The following THSD7A variants were observed in gnomAD, a reference collection of about 807,000 sequenced individuals.
THSD7A encodes thrombospondin type-1 domain-containing protein 7A.
THSD7A carries 96 observed loss-of-function variants against 231.3 expected under a neutral mutation model. The observed-to-expected ratio is 0.41, with a 90% CI of 0.35 to 0.49. The LOEUF (loss-of-function observed/expected upper bound fraction) is 0.49, where lower values mean the gene tolerates loss of function less well. Among genes scored for constraint, THSD7A ranks in the 20% least tolerant of loss-of-function variants. The pLI, the probability that THSD7A is intolerant of heterozygous loss-of-function variation, is 0.05. For missense variants in THSD7A, 2,290 were observed against 2,070.2 expected (o/e 1.11, Z -2.06); for synonymous variants, 940 against 743.3 (o/e 1.26, Z -4.30).
intron 4 of THSD7A, among the ~76,000 whole-genome samples, chr7:11,580,678 A>G (rs1791118265): frequency 6.6e-6 from 1 of 152,154 alleles, no homozygotes; most frequent in African/African-American, 2.4e-5. Context: ...TGGAAGCTAA[A>G]TGATGAGAAC....
intron 6 of THSD7A, among the ~76,000 whole-genome samples, chr7:11,530,418 A>AAAGGAATT (rs1439379839): frequency 6.6e-6 from 1 of 152,148 alleles, no homozygotes; most frequent in African/African-American, 2.4e-5. Context: ...GGGATAAAAG[A>AAAGGAATT]AAGGAATTAG....
In THSD7A at chr7:11,769,146, TA is replaced by T. The variant is rs1425843144; in HGVS notation, c.190+62610del. On this transcript the variant is annotated intron_variant, in intron 1 of 27. Transcript: ENST00000423059. ...CAATATATATATATATATATATATA[TA>T]TATATATTTTTTTTTTTTTTTGGTA... Among the ~76,000 whole-genome samples, 77 of 67,606 alleles carry T rather than the reference TA, an allele frequency of 1.1e-3. 1 individual carries two copies. The highest frequency in any genetic ancestry group is 3.5e-3 in the African/African-American group (70 of 19,748). The allele number at this position is 67,606 out of a possible 152,430, so 44.4% of individuals were successfully genotyped here. A position where few individuals can be genotyped will look rare whatever the true frequency, so the allele number is the denominator to read the frequency against.
intron 6 of THSD7A, among the ~76,000 whole-genome samples, chr7:11,498,559 C>T (rs1046844819): frequency 5.9e-5 from 9 of 152,154 alleles, no homozygotes; most frequent in Admixed American, 5.9e-4. Context: ...CAGCCTTTGG[C>T]TATCTGAAGT....
chr7:11,447,130 T>C (rs1784995299), intron 12 of THSD7A, 100 bp downstream of exon 12: 6 of 1,092,706 alleles, frequency 5.5e-6, no homozygotes, highest in Non-Finnish European at 8.0e-6. Context: ...TCCATTGGCA[T>C]ATTATTTTTC....
chr7:11,668,313 G>A (rs1302679801), intron 1 of THSD7A, among the ~76,000 whole-genome samples: 1 of 152,152 alleles, frequency 6.6e-6, no homozygotes, highest in South Asian at 2.1e-4. Flanking sequence ...AGCTTCTCGG[G>A]AGACTGAGGC....
rs536256485 is a variant in THSD7A, at chr7:11,504,550, C to A, written c.1823-22568G>T. 2.1e-3 allele frequency among the ~76,000 whole-genome samples: 317 copies of A among 152,054 alleles called. 2 individuals are homozygous for A. Among genetic ancestry groups the A allele is most frequent in the Non-Finnish European group, 4.0e-3 (272 of 67,968 alleles). On this transcript the variant is annotated intron_variant, in intron 6 of 27. Transcript: ENST00000423059. ...TTTTTAAAAAATGACACAAACACAC[C>A]CTAGATATAATCTGGCCTACAAAGT...
intron 23 of THSD7A, among the ~76,000 whole-genome samples, chr7:11,396,628 G>T (rs1174296378): frequency 1.3e-5 from 2 of 152,130 alleles, no homozygotes; most frequent in Non-Finnish European, 2.9e-5. Flanking sequence ...TAAAATTGAG[G>T]CAGTAATTAG....
intron 19 of THSD7A, among the ~76,000 whole-genome samples, chr7:11,409,020 C>T (rs1762249448): frequency 6.6e-6 from 1 of 152,208 alleles, no homozygotes; most frequent in Non-Finnish European, 1.5e-5. Flanking sequence ...ACCACTTACA[C>T]ATTTTAGTCC....
chr7:11,657,201 G>A (rs1782743591), intron 1 of THSD7A, among the ~76,000 whole-genome samples: 5 of 151,814 alleles, frequency 3.3e-5, no homozygotes, highest in Admixed American at 3.3e-4. Context: ...GGGAAAATAA[G>A]TACACTGAGA....
rs572021189 is a variant in THSD7A at position 11,825,541 on chromosome 7, TA to T, written c.190+6215del. Among the ~76,000 whole-genome samples the T allele has an allele frequency of 1.7e-3, 259 of 152,258 alleles. 1 individual carries two copies. The highest frequency in any genetic ancestry group is 6.0e-3 in the African/African-American group (249 of 41,564). ...ACATTATTGGGCTTGCTCCAGGTCA[TA>T]AACTTAAATAGTTTTTGTACCATCT... On this transcript the variant is annotated intron_variant, in intron 1 of 27. Coordinates refer to ENST00000423059, the MANE Select transcript of THSD7A (RefSeq NM_015204.3).
intron 9 of THSD7A, 34 bp from the exon 10 acceptor site, chr7:11,462,177 T>C (rs778562414): frequency 1.2e-6 from 2 of 1,608,038 alleles, no homozygotes; most frequent in East Asian, 2.2e-5. Context: ...CTCTGTACTT[T>C]ACACTGATGA....
intron 1 of THSD7A, among the ~76,000 whole-genome samples, chr7:11,797,151 C>A (rs943554698): frequency 6.6e-6 from 1 of 152,000 alleles, no homozygotes; most frequent in Non-Finnish European, 1.5e-5. Flanking sequence ...ATGTGTATAT[C>A]CCCCAAATAT....
At chr7:11,649,028 C>T (rs979435886) in intron 1 of THSD7A, among the ~76,000 whole-genome samples, 2 of 151,992 alleles carry the variant, frequency 1.3e-5, no homozygotes, top group Non-Finnish European at 2.9e-5. Flanking sequence ...TCTGATATTG[C>T]ATGGAGATGA....
chr7:11,750,091 C>T (rs2128164425), intron 1 of THSD7A, among the ~76,000 whole-genome samples: 1 of 150,936 alleles, frequency 6.6e-6, no homozygotes, highest in South Asian at 2.1e-4. Context: ...TTCCCAGTTC[C>T]TGGTAAAATT....
intron 1 of THSD7A, among the ~76,000 whole-genome samples, chr7:11,732,247 A>G (rs1781760705): frequency 2.0e-5 from 3 of 151,752 alleles, no homozygotes; most frequent in African/African-American, 4.8e-5. Context: ...ATCCTACTGG[A>G]GTGAGATTTT....
In THSD7A at chr7:11,370,738, CAT is replaced by C. The variant is rs1293220936; in HGVS notation, c.*5054_*5055del. 2 of 151,992 alleles carry C rather than the reference CAT, an allele frequency of 1.3e-5. No individual in the cohort carries two copies. Among genetic ancestry groups the C allele is most frequent in the African/African-American group, 4.8e-5 (2 of 41,390 alleles). The allele number at this position is 151,992 out of a possible 1,614,324, so 9.4% of individuals were successfully genotyped here. A position where few individuals can be genotyped will look rare whatever the true frequency, so the allele number is the denominator to read the frequency against. On this transcript the variant is annotated 3_prime_UTR_variant, in exon 28 of 28. Transcript: ENST00000423059. Reference sequence around the variant, plus strand: ...ATAAATATTCAGGTAGTTAAATTAACATAAAATACACATTTAGGGAATAATAA... The same window carrying C: ...ATAAATATTCAGGTAGTTAAATTAACAAAATACACATTTAGGGAATAATAA...
At chr7:11,445,443 T>C (rs1425264756) in intron 13 of THSD7A, among the ~76,000 whole-genome samples, 1 of 152,048 alleles carries the variant, frequency 6.6e-6, no homozygotes, top group African/African-American at 2.4e-5. Context: ...TCCTTTCTTT[T>C]TTGGTTTAGA....
At chr7:11,552,493 A>G (rs1789673150) in intron 4 of THSD7A, among the ~76,000 whole-genome samples, 1 of 152,124 alleles carries the variant, frequency 6.6e-6, no homozygotes, top group African/African-American at 2.4e-5. Context: ...TTTGAGCTAC[A>G]AAAAGGGAAA....
chr7:11,483,109 A>C (rs1786498121), intron 6 of THSD7A, among the ~76,000 whole-genome samples: 1 of 152,178 alleles, frequency 6.6e-6, no homozygotes, highest in Non-Finnish European at 1.5e-5. Context: ...TTAGGCATTC[A>C]GGTGAGAAAG....
Sources: allele counts gnomAD v4.1 joint callset (sites outside exome capture counted in the v4.1 genomes callset), GRCh38; gene constraint gnomAD v4.1.1; transcripts MANE v1.5; gene names NCBI Gene and HGNC (gene_info 2026-07-23, HGNC 2026-07-21).